Variants in ASCC3 observed in about 807,000 individuals in gnomAD.
ASCC3 encodes activating signal cointegrator 1 complex subunit 3, also known as ASC-1 complex subunit P200.
A neutral mutation model predicts 256.3 loss-of-function variants in ASCC3; 158 were observed. That is an observed-to-expected ratio of 0.62 (90% CI 0.54 to 0.70). The LOEUF is 0.70. Ranked by LOEUF, ASCC3 falls within the 30% of genes least tolerant of loss-of-function variation. The pLI is 0.00. For missense variants in ASCC3, 2,259 were observed against 2,626.0 expected (o/e 0.86, Z 3.05); for synonymous variants, 948 against 883.4 (o/e 1.07, Z -1.30).
rs7743831 is a variant in ASCC3 at position 100,718,328 on chromosome 6, T to C, written c.1903-77A>G. On this transcript the variant is annotated intron_variant, in intron 11 of 41. Coordinates refer to ENST00000369162, the MANE Select transcript of ASCC3 (RefSeq NM_006828.4). ...AAAACATTATAATTTGTCCTATTAA[T>C]AGGACTTCTAAAAACTCTAGACAGA... 1.3e-3 allele frequency: 1,650 copies of C among 1,262,924 alleles called. 25 individuals carry two copies. In the African/African-American group the frequency reaches 0.023, roughly 17 times the overall value. The allele number at this position is 1,262,924 out of a possible 1,614,324, so 78.2% of individuals were successfully genotyped here.
chr6:100,646,240 G>C (rs185147894), intron 22 of ASCC3, among the ~76,000 whole-genome samples: 1 of 151,986 alleles, frequency 6.6e-6, no homozygotes, highest in Non-Finnish European at 1.5e-5. Context: ...AATCTCACTC[G>C]TTGACATATT....
chr6:100,757,591 A>C (rs970253060), intron 10 of ASCC3, among the ~76,000 whole-genome samples: 8 of 135,998 alleles, frequency 5.9e-5, no homozygotes, highest in Admixed American at 3.7e-4. Context: ...CCACAGAAGA[A>C]GTTTATAAAT....
Position 100,638,752 on chromosome 6 carries a change from A to G in ASCC3, c.3971T>C (p.Phe1324Ser). Residue 1324 changes from phenylalanine to serine, a missense_variant, in exon 25 of 42, where the codon TTC becomes TCC. Physicochemically the swap from Phe to Ser is radical, Grantham distance 155. Coordinates refer to ENST00000369162, the MANE Select transcript of ASCC3 (RefSeq NM_006828.4). Reference sequence around the variant, plus strand: ...TGTCTGTACAGGGTTAAAGTGGCTGAAGTTGTACAGGGCTTCATATGCTTT... The same window carrying G: ...TGTCTGTACAGGGTTAAAGTGGCTGGAGTTGTACAGGGCTTCATATGCTTT... ...GCKAYEALYN[F>S]SHFNPVQTQI... 1 of 1,614,152 alleles carries G rather than the reference A, an allele frequency of 6.2e-7. No homozygotes were observed.
chr6:100,602,049 T>C, intron 33 of ASCC3, 114 bp from the exon 34 acceptor site: 1 of 1,116,358 alleles, frequency 9.0e-7, no homozygotes, highest in Non-Finnish European at 1.3e-6. Context: ...AACAAATTTG[T>C]TTTATATAAC....
chr6:100,768,740 C>G (rs1325676512), intron 8 of ASCC3, among the ~76,000 whole-genome samples: 17 of 152,072 alleles, frequency 1.1e-4, no homozygotes, highest in Admixed American at 9.8e-4. Context: ...TTGATTGACA[C>G]TTATTCATCT....
At chr6:100,512,120 T>C (rs1046451630) in intron 40 of ASCC3, among the ~76,000 whole-genome samples, 1 of 152,218 alleles carries the variant, frequency 6.6e-6, no homozygotes, top group African/African-American at 2.4e-5. Flanking sequence ...TTTTTGCCTG[T>C]ATGAACATTG....
chr6:100,811,672 C>T (rs939573245), intron 4 of ASCC3, among the ~76,000 whole-genome samples: 39 of 151,748 alleles, frequency 2.6e-4, no homozygotes, highest in African/African-American at 9.4e-4. Context: ...TTTCATATTG[C>T]CAAAAATTCA....
At chr6:100,619,638 A>G (rs1250100528) in intron 30 of ASCC3, among the ~76,000 whole-genome samples, 1 of 152,168 alleles carries the variant, frequency 6.6e-6, no homozygotes, top group Non-Finnish European at 1.5e-5. Context: ...TGAATCATAA[A>G]TATCTATTTG....
intron 30 of ASCC3, among the ~76,000 whole-genome samples, chr6:100,610,057 A>G (rs1773314874): frequency 1.3e-5 from 2 of 152,196 alleles, no homozygotes. Flanking sequence ...AAGTGATTTG[A>G]GAAGACATGA....
rs201504599 is a variant in ASCC3 at position 100,848,141 on chromosome 6, A to C, written c.801+7T>G. The C allele has an allele frequency of 9.5e-6, 15 of 1,576,914 alleles. No homozygotes were observed. The highest frequency in any genetic ancestry group is 1.4e-5 in the African/African-American group (1 of 72,946). On this transcript the variant is annotated splice_region_variant and intron_variant, in intron 4 of 41. Transcript: ENST00000369162. ...TAATATAAAAAAATAAATCATTTCA[A>C]CTATACCTCATCCTGAAGTTCATCA...
chr6:100,658,644 C>T (rs1776038185), intron 16 of ASCC3, among the ~76,000 whole-genome samples: 1 of 151,414 alleles, frequency 6.6e-6, no homozygotes, highest in African/African-American at 2.4e-5. Flanking sequence ...ATTTCCACAA[C>T]AATCCAGTGA....
chr6:100,621,394 T>C (rs1277141540), intron 30 of ASCC3, among the ~76,000 whole-genome samples: 1 of 151,752 alleles, frequency 6.6e-6, no homozygotes, highest in Admixed American at 6.6e-5. Context: ...CAAATTTACA[T>C]GAAAAAAAGA....
intron 37 of ASCC3, among the ~76,000 whole-genome samples, chr6:100,526,994 ATC>A (rs376028076): frequency 6.6e-6 from 1 of 152,338 alleles, no homozygotes; most frequent in Non-Finnish European, 1.5e-5. Context: ...CAAACAAAAA[ATC>A]TCTTTTTCCA....
intron 36 of ASCC3, among the ~76,000 whole-genome samples, chr6:100,580,282 A>G (rs1771146074): frequency 6.6e-6 from 1 of 152,014 alleles, no homozygotes; most frequent in Non-Finnish European, 1.5e-5. Context: ...AAGAGAGAAA[A>G]ATATATAGCT....
intron 10 of ASCC3, among the ~76,000 whole-genome samples, chr6:100,750,663 C>T (rs566242965): frequency 2.0e-5 from 3 of 151,992 alleles, no homozygotes; most frequent in Non-Finnish European, 4.4e-5. Flanking sequence ...AAGAATATAG[C>T]TTATGAAACC....
At chr6:100,601,712 T>G (rs1772623670) in intron 34 of ASCC3, 98 bp downstream of exon 34, 1 of 1,425,806 alleles carries the variant, frequency 7.0e-7, no homozygotes, top group Non-Finnish European at 9.7e-7. Context: ...TCCAAAGTTC[T>G]GCCTTTTTTG....
chr6:100,593,780 C>T (rs577930104), intron 34 of ASCC3, among the ~76,000 whole-genome samples: 2 of 152,060 alleles, frequency 1.3e-5, no homozygotes, highest in Non-Finnish European at 2.9e-5. Context: ...ACAGCTGAAA[C>T]TACCACATTT....
intron 13 of ASCC3, among the ~76,000 whole-genome samples, chr6:100,714,972 T>C (rs1016986551): frequency 2.6e-5 from 4 of 152,146 alleles, no homozygotes; most frequent in African/African-American, 4.8e-5. Flanking sequence ...AAGGCTCACA[T>C]TGTTTTAAGA....
intron 10 of ASCC3, among the ~76,000 whole-genome samples, chr6:100,732,030 A>G (rs1191264616): frequency 2.0e-5 from 3 of 151,964 alleles, no homozygotes; most frequent in African/African-American, 7.2e-5. Context: ...GCATGGTGGT[A>G]GGCGCCTGTA....
Sources: allele counts gnomAD v4.1 joint callset (sites outside exome capture counted in the v4.1 genomes callset), GRCh38; gene constraint gnomAD v4.1.1; transcripts MANE v1.5; gene names NCBI Gene and HGNC (gene_info 2026-07-23, HGNC 2026-07-21).